The following PXYLP1 variants were observed in gnomAD, a reference collection of about 807,000 sequenced individuals.
PXYLP1 encodes 2-phosphoxylose phosphatase 1, also known as acid phosphatase-like 2.
PXYLP1 carries 17 observed loss-of-function variants against 37.9 expected under a neutral mutation model. The observed-to-expected ratio is 0.45, with a 90% CI of 0.31 to 0.67. The LOEUF is 0.67. Ranked by LOEUF, PXYLP1 falls within the 30% of genes least tolerant of loss-of-function variation. The pLI, the probability that PXYLP1 is intolerant of heterozygous loss-of-function variation, is 0.07. For synonymous variants in PXYLP1, 221 were observed against 232.2 expected (o/e 0.95, Z 0.44); for missense variants, 511 against 612.0 (o/e 0.84, Z 1.74).
chr3:141,262,225 C>T, intron 2 of PXYLP1: 1 of 941,736 alleles, frequency 1.1e-6, no homozygotes, highest in Non-Finnish European at 1.3e-6. Flanking sequence ...ATTTAAAATA[C>T]TCGTTTTATC....
chr3:141,262,748 C>G (rs1941423384), intron 2 of PXYLP1: 3 of 1,480,288 alleles, frequency 2.0e-6, no homozygotes, highest in Non-Finnish European at 2.7e-6. Flanking sequence ...TGGAATTTCC[C>G]CATTTCTGTA....
At chr3:141,275,323 C>T (rs1941766358) in intron 2 of PXYLP1, among the ~76,000 whole-genome samples, 1 of 152,194 alleles carries the variant, frequency 6.6e-6, no homozygotes, top group Admixed American at 6.5e-5. Context: ...CACAACAGGC[C>T]TCACCCCGGG....
chr3:141,281,633 C>T (rs1012213813), intron 4 of PXYLP1, among the ~76,000 whole-genome samples: 2 of 152,136 alleles, frequency 1.3e-5, no homozygotes. Flanking sequence ...AGAAGAGGGG[C>T]AGCCTGACCC....
At chr3:141,283,876 T>A (rs1461023238) in intron 4 of PXYLP1, among the ~76,000 whole-genome samples, 1 of 151,712 alleles carries the variant, frequency 6.6e-6, no homozygotes, top group East Asian at 1.9e-4. Context: ...GCCTCAAACT[T>A]TGTGGCATAA....
intron 1 of PXYLP1, among the ~76,000 whole-genome samples, chr3:141,253,156 AG>A (rs1315353232): frequency 1.3e-5 from 2 of 152,298 alleles, no homozygotes; most frequent in East Asian, 3.9e-4. Context: ...AGGGCACTCC[AG>A]GGAAGGAGTG....
intron 4 of PXYLP1, among the ~76,000 whole-genome samples, chr3:141,286,150 T>C (rs1041648580): frequency 5.9e-5 from 9 of 152,186 alleles, no homozygotes; most frequent in Non-Finnish European, 1.5e-5. Context: ...TCTCTTCAGC[T>C]GGAAAATGTA....
intron 2 of PXYLP1, among the ~76,000 whole-genome samples, chr3:141,271,935 C>T (rs929503336): frequency 6.6e-6 from 1 of 152,184 alleles, no homozygotes; most frequent in African/African-American, 2.4e-5. Flanking sequence ...GGTCTGTCGC[C>T]ACAGAAGGAA....
At chr3:141,273,999 G>GC in intron 2 of PXYLP1, 2 of 985,742 alleles carry the variant, frequency 2.0e-6, no homozygotes, top group Non-Finnish European at 2.4e-6. Flanking sequence ...TCTTTCTGAT[G>GC]CCCCCACAGC....
chr3:141,280,637 A>G (rs887905731), intron 4 of PXYLP1, among the ~76,000 whole-genome samples: 7 of 150,748 alleles, frequency 4.6e-5, no homozygotes, highest in Admixed American at 1.3e-4. Context: ...GGTACTTAAG[A>G]GTAAGAGTGA....
chr3:141,240,490 C>T (rs1212493273), intron 1 of PXYLP1, among the ~76,000 whole-genome samples: 1 of 151,970 alleles, frequency 6.6e-6, no homozygotes, highest in Non-Finnish European at 1.5e-5. Context: ...ATTTTGTGGG[C>T]CAGGCTCAGA....
chr3:141,251,351 A>G (rs932844514), intron 1 of PXYLP1, among the ~76,000 whole-genome samples: 1 of 152,222 alleles, frequency 6.6e-6, no homozygotes, highest in South Asian at 2.1e-4. Flanking sequence ...AGCCTGGAAT[A>G]GGAGAAGAAA....
At chr3:141,280,166 G>A (rs1941913596) in intron 4 of PXYLP1, among the ~76,000 whole-genome samples, 1 of 152,218 alleles carries the variant, frequency 6.6e-6, no homozygotes, top group Admixed American at 6.5e-5. Flanking sequence ...AAATGTGTCT[G>A]GAGGCACATA....
At chr3:141,263,324 A>G (rs1269904335) in intron 2 of PXYLP1, among the ~76,000 whole-genome samples, 1 of 152,256 alleles carries the variant, frequency 6.6e-6, no homozygotes, top group East Asian at 1.9e-4. Flanking sequence ...AATGGTGCTA[A>G]TGACTTGCTA....
intron 1 of PXYLP1, among the ~76,000 whole-genome samples, chr3:141,244,975 C>CT (rs1428738242): frequency 6.6e-6 from 1 of 150,752 alleles, no homozygotes; most frequent in Non-Finnish European, 1.5e-5. Context: ...CTGAGACTAA[C>CT]TAACATTCAT....
intron 1 of PXYLP1, among the ~76,000 whole-genome samples, chr3:141,255,082 G>A (rs1344317279): frequency 1.3e-5 from 2 of 152,176 alleles, no homozygotes; most frequent in African/African-American, 4.8e-5. Flanking sequence ...ATTCAGAAAT[G>A]GTATTCTTCA....
At chr3:141,260,332 T>C (rs1576587595) in intron 2 of PXYLP1, 78 bp downstream of exon 2, 4 of 1,506,402 alleles carry the variant, frequency 2.7e-6, no homozygotes, top group Admixed American at 4.0e-5. Flanking sequence ...AGGCTTGTTT[T>C]ATAAATGAAT....
Position 141,292,329 on chromosome 3 carries a change from A to T in PXYLP1, c.567A>T (p.Lys189Asn). 6.2e-7 allele frequency: 1 copy of T among 1,612,782 alleles called. No homozygotes were observed. The highest frequency in any genetic ancestry group is 8.5e-7 in the Non-Finnish European group (1 of 1,179,606). ...GGGATATCTATCTAAAGAAACACAA[A>T]CTCCTGCCCAATGATTGGTCTGCAG... ...LLRDIYLKKH[K>N]LLPNDWSADQ... The change falls in exon 6 of 6, where the codon AAA (lysine) becomes AAT (asparagine). Residue 189 changes from lysine to asparagine, a missense_variant. Physicochemically the swap from Lys to Asn is moderately conservative, Grantham distance 94. Coordinates refer to ENST00000286353, the MANE Select transcript of PXYLP1 (RefSeq NM_001037172.3). The surrounding 1 kb of genome is among the most constrained non-coding windows in gnomAD (Gnocchi z 4.3).
At chr3:141,241,074 C>G (rs550189039) in intron 1 of PXYLP1, among the ~76,000 whole-genome samples, 2 of 152,224 alleles carry the variant, frequency 1.3e-5, no homozygotes, top group Admixed American at 6.5e-5. Flanking sequence ...CTCCAGCCCC[C>G]ACCCCAACCC....
chr3:141,281,601 G>A (rs1941957484), intron 4 of PXYLP1, among the ~76,000 whole-genome samples: 1 of 152,200 alleles, frequency 6.6e-6, no homozygotes, highest in Admixed American at 6.5e-5. Flanking sequence ...TAGTTTGGGT[G>A]CCATATTTGG....
Sources: gnomAD v4.1 joint callset for allele counts (sites outside exome capture counted in the v4.1 genomes callset) on GRCh38, gnomAD v4.1.1 for gene constraint, Gnocchi (gnomAD v3.1) non-coding constraint, MANE v1.5 for transcripts, NCBI Gene and HGNC (gene_info 2026-07-23, HGNC 2026-07-21) for gene names.